Variants in AHDC1 observed in about 807,000 individuals in gnomAD.
AHDC1 encodes transcription factor Gibbin.
Under a neutral mutation model 87.9 loss-of-function variants are expected in AHDC1, and 7 were observed. The ratio of observed to expected loss-of-function variants is 0.08; its 90% CI spans 0.05 to 0.15. The LOEUF (loss-of-function observed/expected upper bound fraction) is 0.15, where lower values mean the gene tolerates loss of function less well. Ranked by LOEUF, AHDC1 falls within the 10% of genes least tolerant of loss-of-function variation. The pLI is 1.00. For synonymous variants in AHDC1, 1,051 were observed against 1,006.8 expected (o/e 1.04, Z -0.83); for missense variants, 1,841 against 2,253.2 (o/e 0.82, Z 3.70).
intron 3 of AHDC1, among the ~76,000 whole-genome samples, chr1:27,596,817 G>A (rs1159392854): frequency 1.3e-5 from 2 of 151,614 alleles, no homozygotes; most frequent in African/African-American, 4.9e-5. Context: ...ACATAAACGT[G>A]CATCCACACA....
chr1:27,591,199 T>G (rs1241027878), intron 3 of AHDC1, among the ~76,000 whole-genome samples: 2 of 152,162 alleles, frequency 1.3e-5, no homozygotes, highest in Non-Finnish European at 1.5e-5. Context: ...CTAAGGAGTC[T>G]GCCAACAGAC....
rs1362400936 is a variant in AHDC1, at chr1:27,565,030, G to A, written c.-628-6147C>T. 6.6e-6 allele frequency among the ~76,000 whole-genome samples: 1 copy of A among 152,226 alleles called. No individual in the cohort carries two copies. The highest frequency in any genetic ancestry group is 2.4e-5 in the African/African-American group (1 of 41,466). On this transcript the variant is annotated intron_variant, in intron 3 of 8. Coordinates refer to ENST00000673934, the MANE Select transcript of AHDC1 (RefSeq NM_001371928.1). This position sits in a 1 kb window ranked among gnomAD's most constrained non-coding sequence, Gnocchi z 4.6. The stretch of plus-strand genomic sequence containing the variant: ...GTCCCCCTAGCCCCTGGGGGTGGCT[G>A]GAGCTGGGGGGCCCTGGGGGACTGA...
chr1:27,561,384 C>A lies in AHDC1; in HGVS notation c.-628-2501G>T, dbSNP rs1432925804. Among the ~76,000 whole-genome samples, 1 of 152,190 alleles carries A rather than the reference C, an allele frequency of 6.6e-6. No individual in the cohort carries two copies. Among genetic ancestry groups the A allele is most frequent in the Admixed American group, 6.5e-5 (1 of 15,280 alleles). On this transcript the variant is annotated intron_variant, in intron 3 of 8. Coordinates refer to ENST00000673934, the MANE Select transcript of AHDC1 (RefSeq NM_001371928.1). This position sits in a 1 kb window ranked among gnomAD's most constrained non-coding sequence, Gnocchi z 4.2. ...AGGAGCAAAGCTGCCCTTAGCCCCTCCACAACCTGATACTCCCCAGCAGAT... is the reference window on the plus strand; with the variant it reads ...AGGAGCAAAGCTGCCCTTAGCCCCTACACAACCTGATACTCCCCAGCAGAT...
intron 3 of AHDC1, among the ~76,000 whole-genome samples, chr1:27,600,959 T>A (rs1226964885): frequency 6.6e-6 from 1 of 152,156 alleles, no homozygotes; most frequent in Non-Finnish European, 1.5e-5. Context: ...GCATTGAAAC[T>A]GAGAAGCTAT....
chr1:27,579,044 C>CTTTT (rs367554284), intron 3 of AHDC1, among the ~76,000 whole-genome samples: 59 of 133,346 alleles, frequency 4.4e-4, no homozygotes, highest in African/African-American at 1.6e-3. Context: ...TGTTCTAAAT[C>CTTTT]TTTTTTTTTT....
Position 27,547,423 on chromosome 1 carries a change from T to C in AHDC1, c.4693A>G (p.Arg1565Gly). 6.3e-7 allele frequency: 1 copy of C among 1,582,432 alleles called. No homozygotes were observed. Among genetic ancestry groups the C allele is most frequent in the Non-Finnish European group, 8.6e-7 (1 of 1,159,478 alleles). The change falls in exon 8 of 9, where the codon AGG (arginine) becomes GGG (glycine). Residue 1565 changes from arginine to glycine, a missense_variant. By Grantham distance (125) the Arg-to-Gly change is moderately radical (BLOSUM62 -2). Around this residue, in one of 13 missense-constraint regions of AHDC1, gnomAD observed 505 missense variants for 626.2 expected, o/e 0.81. Coordinates refer to ENST00000673934, the MANE Select transcript of AHDC1 (RefSeq NM_001371928.1). This position sits in a 1 kb window ranked among gnomAD's most constrained non-coding sequence, Gnocchi z 4.9. ...SLLPLQDTAY[R>G]YPGFMPQAHP... ...GCCTGGGGCATAAAGCCTGGGTACC[T>C]GTAGGCGGTGTCCTGCAGGGGCAGC...
At chr1:27,559,738 T>G (rs1344481888) in intron 3 of AHDC1, among the ~76,000 whole-genome samples, 1 of 152,210 alleles carries the variant, frequency 6.6e-6, no homozygotes, top group Non-Finnish European at 1.5e-5. Context: ...GTTATGTCTC[T>G]TGTTTTCTTT....
chr1:27,542,475 C>T (rs565253478), intron 8 of AHDC1, among the ~76,000 whole-genome samples: 1 of 152,260 alleles, frequency 6.6e-6, no homozygotes. Context: ...CTCACACAGG[C>T]TGGTCAGAGG....
intron 3 of AHDC1, among the ~76,000 whole-genome samples, chr1:27,594,310 C>G (rs975218170): frequency 3.9e-5 from 6 of 152,192 alleles, no homozygotes; most frequent in African/African-American, 1.4e-4. Flanking sequence ...GCCCCATGTC[C>G]CTCTCAGGTG....
At chr1:27,597,364 AGAGT>A (rs1306595910) in intron 3 of AHDC1, among the ~76,000 whole-genome samples, 1 of 148,814 alleles carries the variant, frequency 6.7e-6, no homozygotes, top group African/African-American at 2.4e-5. Context: ...TGACAGTGTG[AGAGT>A]GTGTGTGTGA....
At position 27,550,284 on chromosome 1, in the gene AHDC1, T is replaced by A; in HGVS notation, c.1832A>T (p.Glu611Val). Residue 611 changes from glutamate to valine, a missense_variant, in exon 8 of 9, where the codon GAG becomes GTG. Around this residue, in one of 13 missense-constraint regions of AHDC1, gnomAD observed 84 missense variants for 111.7 expected, o/e 0.75. Transcript: ENST00000673934. The stretch of plus-strand genomic sequence containing the variant: ...CAGCTTGGCCAGGACGTCTGAGTAC[T>A]CGGCCTTGCTGTCGTTGGCGTCTGC... Reference protein sequence around the residue: ...YAADANDSKAEYSDVLAKLAF... With the variant: ...YAADANDSKAVYSDVLAKLAF... 6.2e-7 allele frequency: 1 copy of A among 1,614,046 alleles called. No individual in the cohort carries two copies. Among genetic ancestry groups the A allele is most frequent in the Non-Finnish European group, 8.5e-7 (1 of 1,179,976 alleles).
chr1:27,564,747 C>A (rs936187452), intron 3 of AHDC1, among the ~76,000 whole-genome samples: 2 of 152,130 alleles, frequency 1.3e-5, no homozygotes, highest in African/African-American at 2.4e-5. Context: ...TCCACCATGC[C>A]CTACCTTTAC....
At chr1:27,535,019 G>C (rs2018583142) in intron 8 of AHDC1, 103 bp from the exon 9 acceptor site, 1 of 152,186 alleles carries the variant, frequency 6.6e-6, no homozygotes, top group African/African-American at 2.4e-5. Context: ...GCTCCTCCCA[G>C]GATTCAGCAG....
At chr1:27,599,438 C>A (rs2089471096) in intron 3 of AHDC1, among the ~76,000 whole-genome samples, 1 of 152,168 alleles carries the variant, frequency 6.6e-6, no homozygotes, top group Admixed American at 6.5e-5. Flanking sequence ...AGGGTGCCTG[C>A]CTGCTTCTCT....
intron 3 of AHDC1, chr1:27,568,275 C>T (rs1457691880): frequency 6.6e-6 from 1 of 152,192 alleles, no homozygotes; most frequent in African/African-American, 2.4e-5. Flanking sequence ...TACAGAGGGT[C>T]CTAGAGGGTG....
Position 27,549,697 on chromosome 1 carries a change from C to G in AHDC1, c.2419G>C (p.Glu807Gln), listed in dbSNP as rs2019411101. Residue 807 changes from glutamate (E) to glutamine (Q), a missense_variant, in exon 8 of 9, where the codon GAG (glutamate) becomes CAG (glutamine). Glu to Gln is a conservative substitution (Grantham distance 29). This residue lies in a region of AHDC1 where 236 missense variants were observed against 257.9 expected (regional missense o/e 0.92). Transcript: ENST00000673934. ...EARAFASTGL[E>Q]SGASGRGSYY... ...CTGCCACGGCCTGAGGCTCCACTCT[C>G]CAGCCCAGTGGAGGCAAAGGCCCGG... 7.4e-6 allele frequency: 12 copies of G among 1,613,116 alleles called. No homozygotes were observed. Among genetic ancestry groups the G allele is most frequent in the African/African-American group, 4.0e-5 (3 of 75,050 alleles).
At position 27,548,606 on chromosome 1, in the gene AHDC1, G is replaced by A. The variant is rs1303864174; in HGVS notation, c.3510C>T (p.Ser1170=). The A allele has an allele frequency of 5.0e-6, 8 of 1,613,442 alleles. No individual in the cohort carries two copies. The South Asian group carries it at 7.7e-5, about 15-fold the overall frequency. The stretch of plus-strand genomic sequence containing the variant: ...CACCAACCGGCTGATTGAACTGGGT[G>A]CTGTCGGAGGATGACTCAGAGAAGG... ...SETFSESSSD[S]TQFNQPVGGG... The change falls in exon 8 of 9, where the codon AGC becomes AGT. Residue 1170 remains serine (S), a synonymous_variant. Transcript: ENST00000673934.
Position 27,551,358 on chromosome 1 carries a change from C to A in AHDC1, c.758G>T (p.Cys253Phe). The A allele has an allele frequency of 6.2e-7, 1 of 1,613,640 alleles. No homozygotes were observed. The highest frequency in any genetic ancestry group is 8.5e-7 in the Non-Finnish European group (1 of 1,179,948). Residue 253 changes from cysteine to phenylalanine, a missense_variant, in exon 8 of 9, where the codon TGC becomes TTC. Cys to Phe is a radical substitution (Grantham distance 205, BLOSUM62 -2). Around this residue, in one of 13 missense-constraint regions of AHDC1, gnomAD observed 370 missense variants for 391.5 expected, o/e 0.95. Transcript: ENST00000673934. ...DILSELASLT[C>F]PEAQLLEAQA... ...GGCCTCTAGCAGCTGGGCCTCTGGG[C>A]AAGTGAGGGAGGCCAGCTCACTAAG...
rs145774336 is a variant in AHDC1, at chr1:27,549,140, G to A, written c.2976C>T (p.Cys992=). 1.6e-3 allele frequency: 2,427 copies of A among 1,555,190 alleles called. 18 individuals are homozygous for A. Among genetic ancestry groups the A allele is most frequent in the South Asian group, 0.01 (838 of 83,234 alleles). The change falls in exon 8 of 9, where the codon TGC becomes TGT. Residue 992 remains cysteine (C), a synonymous_variant. Transcript: ENST00000673934. The stretch of plus-strand genomic sequence containing the variant: ...CGAAGCTGCAGTCCTTGCTGTTAGC[G>A]CAGTCCTGGCCTGTAAAGGGCTTAG... ...APTKPFTGQD[C]ANSKDCSFAY... is the part of the protein sequence containing the mutation.
Sources: gnomAD v4.1 joint callset for allele counts (sites outside exome capture counted in the v4.1 genomes callset) on GRCh38, gnomAD v4.1.1 for gene constraint, gnomAD v4.1.1 regional missense constraint, Gnocchi (gnomAD v3.1) non-coding constraint, MANE v1.5 for transcripts, NCBI Gene and HGNC (gene_info 2026-07-23, HGNC 2026-07-21) for gene names.